NCOA4: variants seen among roughly 807,000 people sequenced by gnomAD.
The protein encoded by NCOA4 is 70 kDa AR-activator.
In NCOA4, 31 loss-of-function variants were observed where a neutral mutation model predicts 69.5. The ratio of observed to expected loss-of-function variants is 0.45; its 90% CI spans 0.34 to 0.60. The LOEUF (loss-of-function observed/expected upper bound fraction) is 0.60. Ranked by LOEUF, NCOA4 falls within the 20% of genes least tolerant of loss-of-function variation. NCOA4 has a pLI of 0.02. For missense variants in NCOA4, 600 were observed against 719.2 expected (o/e 0.83, Z 1.90); for synonymous variants, 228 against 252.4 (o/e 0.90, Z 0.92).
rs747959095 is a variant in NCOA4 at position 46,010,370 on chromosome 10, T to G, written c.1551A>C (p.Arg517Ser). 6.2e-7 allele frequency: 1 copy of G among 1,614,128 alleles called. No individual in the cohort carries two copies. The highest frequency in any genetic ancestry group is 8.5e-7 in the Non-Finnish European group (1 of 1,180,026). Residue 517 changes from arginine to serine, a missense_variant, in exon 8 of 10, where the codon AGA (arginine) becomes AGC (serine). Physicochemically the swap from Arg to Ser is moderately radical, Grantham distance 110. Transcript: ENST00000581486. ...GGCTTTTAAACTTCTGTTTGCCAGCTCTGTCTTCAGTACCAGGCACTTCCT... is the reference window on the plus strand; with the variant it reads ...GGCTTTTAAACTTCTGTTTGCCAGCGCTGTCTTCAGTACCAGGCACTTCCT... ...SPKEVPGTEDRAGKQKFKSPM... is the reference protein window; with the variant it reads ...SPKEVPGTEDSAGKQKFKSPM...
intron 1 of NCOA4, among the ~76,000 whole-genome samples, chr10:46,022,675 C>T (rs1427861999): frequency 1.3e-5 from 2 of 152,056 alleles, no homozygotes; most frequent in Non-Finnish European, 2.9e-5. Context: ...CCGTGTTAGC[C>T]AGGATGGTCT....
chr10:46,019,249 T>C (rs919757753), intron 1 of NCOA4: 1 of 870,506 alleles, frequency 1.1e-6, no homozygotes, highest in Non-Finnish European at 1.4e-6. Flanking sequence ...TCCTTTTGCA[T>C]GCCATAAGCT....
At chr10:46,012,105 G>GAAAAAAAAAA (rs1839267522) in intron 7 of NCOA4, among the ~76,000 whole-genome samples, 17 of 50,048 alleles carry the variant, frequency 3.4e-4, no homozygotes, top group Admixed American at 6.2e-4. Context: ...AAAAAAAAAC[G>GAAAAAAAAAA]AAAAAAGAAA....
At chr10:46,012,288 T>C (rs1195014705) in intron 7 of NCOA4, among the ~76,000 whole-genome samples, 1 of 152,102 alleles carries the variant, frequency 6.6e-6, no homozygotes, top group Non-Finnish European at 1.5e-5. Flanking sequence ...GGAAGCCAAA[T>C]TGGCAATATG....
Position 46,027,219 on chromosome 10 carries a change from G to A in NCOA4, c.-15+3307C>T, listed in dbSNP as rs539524626. On this transcript the variant is annotated intron_variant, in intron 1 of 9. Coordinates refer to ENST00000581486, the MANE Select transcript of NCOA4 (RefSeq NM_001145263.2). ...CCGGAAGGCGGAGCTTGCAATGAGC[G>A]GAGATCGCCCACTGCACTCCAGCCT... is the stretch of plus-strand genomic sequence containing the variant. Among the ~76,000 whole-genome samples, 11 of 149,018 alleles carry A rather than the reference G, an allele frequency of 7.4e-5. No homozygotes were observed. The South Asian group carries it at 2.1e-3, about 29-fold the overall frequency.
At chr10:46,011,894 TA>T (rs1196434719) in intron 7 of NCOA4, among the ~76,000 whole-genome samples, 1 of 149,072 alleles carries the variant, frequency 6.7e-6, no homozygotes, top group Non-Finnish European at 1.5e-5. Flanking sequence ...TACTAAAAAA[TA>T]AAAAATATGC....
intron 1 of NCOA4, chr10:46,027,503 T>C: frequency 6.5e-7 from 1 of 1,548,732 alleles, no homozygotes; most frequent in Non-Finnish European, 8.7e-7. Context: ...GTGCGTTCTA[T>C]GTTGAAGCAA....
At position 46,010,359 on chromosome 10, in the gene NCOA4, T is replaced by C. The variant is rs200630063; in HGVS notation, c.1562A>G (p.Gln521Arg). 257 of 1,614,190 alleles carry C rather than the reference T, an allele frequency of 1.6e-4. 5 individuals carry two copies. In the South Asian group the frequency reaches 2.7e-3, roughly 17 times the overall value. Reference sequence around the variant, plus strand: ...AGTATTCATGGGGCTTTTAAACTTCTGTTTGCCAGCTCTGTCTTCAGTACC... The same window carrying C: ...AGTATTCATGGGGCTTTTAAACTTCCGTTTGCCAGCTCTGTCTTCAGTACC... ...VPGTEDRAGK[Q>R]KFKSPMNTSW... is the part of the protein sequence containing the mutation. The change falls in exon 8 of 10, where the codon CAG becomes CGG. Residue 521 changes from glutamine to arginine, a missense_variant. By Grantham distance (43) the Gln-to-Arg change is conservative (BLOSUM62 1). Coordinates refer to ENST00000581486, the MANE Select transcript of NCOA4 (RefSeq NM_001145263.2).
In NCOA4 at chr10:46,005,288, T is replaced by TG. The variant is rs1838749016; in HGVS notation, c.*1303_*1304insC. ...ACATTGTTTTTGCCCACCACCTTTA[T>TG]ATAATACTCCTAAATGATATCTGGG... On this transcript the variant is annotated 3_prime_UTR_variant, in exon 10 of 10. Transcript: ENST00000581486. The TG allele has an allele frequency of 1.4e-5, 3 of 214,294 alleles. No homozygotes were observed. Among genetic ancestry groups the TG allele is most frequent in the African/African-American group, 6.8e-5 (3 of 44,216 alleles). 13.3% of individuals were successfully genotyped at this position (214,294 alleles called of 1,614,324 possible).
chr10:46,015,332 G>A (rs1839474724), intron 2 of NCOA4, 66 bp from the exon 3 acceptor site: 19 of 823,734 alleles, frequency 2.3e-5, no homozygotes, highest in Non-Finnish European at 3.3e-5. Flanking sequence ...CCAAAGAATA[G>A]TGAGTTTCTA....
At chr10:46,009,094 T>A in intron 9 of NCOA4, 2 of 1,372,762 alleles carry the variant, frequency 1.5e-6, no homozygotes, top group Non-Finnish European at 2.0e-6. Context: ...GGATATTTGC[T>A]TTATTGCAGT....
chr10:46,019,470 T>G, intron 1 of NCOA4: 1 of 985,506 alleles, frequency 1.0e-6, no homozygotes, highest in Non-Finnish European at 1.2e-6. Flanking sequence ...GCCAAATTTC[T>G]CACTTTTAGC....
intron 1 of NCOA4, among the ~76,000 whole-genome samples, chr10:46,023,880 A>G (rs1840029966): frequency 6.6e-6 from 1 of 152,240 alleles, no homozygotes; most frequent in Non-Finnish European, 1.5e-5. Context: ...TGCATATGCA[A>G]TCAGGCCAAA....
rs1839466828 is a variant in NCOA4 at position 46,015,212 on chromosome 10, G to A, written c.196C>T (p.Arg66Cys). The part of the protein sequence containing the change: ...ISRHLECLRS[R>C]EVWLYEQVDL... ...ACCTGTTCATACAGCCATACCTCAC[G>A]GCTTCTAAGACATTCCAGGTGACGG... The change falls in exon 3 of 10, where the codon CGT (arginine) becomes TGT (cysteine). Residue 66 changes from arginine (R) to cysteine (C), a missense_variant. Coordinates refer to ENST00000581486, the MANE Select transcript of NCOA4 (RefSeq NM_001145263.2). 2.5e-6 allele frequency: 4 copies of A among 1,613,998 alleles called. No individual in the cohort carries two copies. Among genetic ancestry groups the A allele is most frequent in the Non-Finnish European group, 2.5e-6 (3 of 1,179,974 alleles).
At chr10:46,021,869 G>A (rs1554924437) in intron 1 of NCOA4, among the ~76,000 whole-genome samples, 1 of 152,184 alleles carries the variant, frequency 6.6e-6, no homozygotes, top group East Asian at 1.9e-4. Flanking sequence ...TGAGGCAGGA[G>A]AATCGCTTGA....
At chr10:46,023,500 G>A in intron 1 of NCOA4, 2 of 985,552 alleles carry the variant, frequency 2.0e-6, no homozygotes, top group Non-Finnish European at 2.4e-6. Context: ...GCCAAGGGCG[G>A]GGAGGAGCGG....
intron 1 of NCOA4, chr10:46,023,501 G>A: frequency 1.0e-6 from 1 of 985,564 alleles, no homozygotes; most frequent in Non-Finnish European, 1.2e-6. Context: ...CCAAGGGCGG[G>A]GAGGAGCGGA....
chr10:46,029,959 C>A (rs73314060), intron 1 of NCOA4, among the ~76,000 whole-genome samples: 3,456 of 152,186 alleles, frequency 0.023, 123 homozygotes, highest in African/African-American at 0.078. Flanking sequence ...AGCTACTTTT[C>A]GGGATTATTG....
intron 1 of NCOA4, among the ~76,000 whole-genome samples, chr10:46,021,331 T>TA (rs1218787539): frequency 3.3e-5 from 5 of 152,190 alleles, no homozygotes; most frequent in Non-Finnish European, 7.3e-5. Context: ...GTCATCTCTT[T>TA]AATATAACAC....
Sources: allele counts gnomAD v4.1 joint callset (sites outside exome capture counted in the v4.1 genomes callset), GRCh38; gene constraint gnomAD v4.1.1; transcripts MANE v1.5; gene names NCBI Gene and HGNC (gene_info 2026-07-23, HGNC 2026-07-21).